IFT140: variants seen among roughly 807,000 people sequenced by gnomAD.
The protein encoded by IFT140 is intraflagellar transport 140.
A neutral mutation model predicts 164.6 loss-of-function variants in IFT140; 133 were observed. The observed-to-expected ratio is 0.81, with a 90% CI of 0.70 to 0.93. The LOEUF (loss-of-function observed/expected upper bound fraction) is 0.93. Ranked by LOEUF, IFT140 falls within the 40% of genes least tolerant of loss-of-function variation. IFT140 has a pLI of 0.00. For synonymous variants in IFT140, 860 were observed against 817.3 expected (o/e 1.05, Z -0.89); for missense variants, 2,045 against 1,972.3 (o/e 1.04, Z -0.70).
intron 2 of IFT140, among the ~76,000 whole-genome samples, chr16:1,608,885 G>T (rs2036208136): frequency 1.3e-5 from 2 of 151,798 alleles, no homozygotes; most frequent in Non-Finnish European, 2.9e-5. Context: ...GCCAGGCATG[G>T]TGGCTCATGC....
At chr16:1,581,849 G>A (rs12164992) in intron 12 of IFT140, among the ~76,000 whole-genome samples, 2,979 of 147,482 alleles carry the variant, frequency 0.02, 124 homozygotes, top group African/African-American at 0.073. Flanking sequence ...GTGAAGTGTC[G>A]GTACAATCCT....
intron 13 of IFT140, among the ~76,000 whole-genome samples, chr16:1,576,247 C>T (rs1360115759): frequency 2.1e-5 from 3 of 144,592 alleles, no homozygotes; most frequent in African/African-American, 7.9e-5. Context: ...GATCATGCCA[C>T]TGCACTCTAG....
rs780297274 is a variant in IFT140, at chr16:1,564,139, C to T, written c.1925G>A (p.Gly642Glu). ...TNKSHLFVDEGLKNYVPVNHF... is the reference protein window; with the variant it reads ...TNKSHLFVDEELKNYVPVNHF... ...GTTCACGGGAACATAATTTTTCAGT[C>T]CCTCATCCACAAAGAGGTGGCTCCT... Residue 642 changes from glycine to glutamate, a missense_variant, in exon 17 of 31, where the codon GGA becomes GAA. Transcript: ENST00000426508. The surrounding 1 kb of genome is among the most constrained non-coding windows in gnomAD (Gnocchi z 5.5). 1.3e-6 allele frequency: 2 copies of T among 1,581,694 alleles called. No homozygotes were observed. The highest frequency in any genetic ancestry group is 1.1e-5 in the South Asian group (1 of 88,930).
At chr16:1,588,095 G>T (rs1425824917) in intron 7 of IFT140, 71 bp from the exon 8 acceptor site, 2 of 1,284,086 alleles carry the variant, frequency 1.6e-6, no homozygotes, top group African/African-American at 2.9e-5. Context: ...CAGGAGCCTG[G>T]AGTCTCTGGT....
chr16:1,520,392 C>G, intron 27 of IFT140, 49 bp from the exon 28 acceptor site: 7 of 1,588,386 alleles, frequency 4.4e-6, no homozygotes, highest in African/African-American at 1.3e-5. Flanking sequence ...TGGGCCGGGA[C>G]AAGCACAAGG....
chr16:1,523,659 G>A lies in IFT140; in HGVS notation c.3312C>T (p.Thr1104=), dbSNP rs2040588187. The A allele has an allele frequency of 3.1e-6, 5 of 1,613,910 alleles. No individual in the cohort carries two copies. Among genetic ancestry groups the A allele is most frequent in the Non-Finnish European group, 4.2e-6 (5 of 1,179,994 alleles). Residue 1104 remains threonine (T), a synonymous_variant, in exon 26 of 31, where the codon ACC becomes ACT. Transcript: ENST00000426508. ...FSKALELAFA[T]QQFVALQLIA... is the part of the protein sequence containing the mutation. ...TGAGCTGTAGGGCCACAAACTGCTG[G>A]GTGGCAAAGGCCAGCTCCAGGGCCT...
intron 20 of IFT140, chr16:1,526,392 G>C (rs2040697659): frequency 3.3e-6 from 2 of 606,566 alleles, no homozygotes; most frequent in Non-Finnish European, 5.7e-6. Context: ...TCTGTTCCAG[G>C]CCCACACACC....
chr16:1,559,529 G>T (rs921029881), intron 18 of IFT140, among the ~76,000 whole-genome samples: 1 of 152,300 alleles, frequency 6.6e-6, no homozygotes, highest in South Asian at 2.1e-4. Context: ...GACAAAAGAC[G>T]TCATGGCTAG....
At chr16:1,601,131 G>A (rs943826893) in intron 4 of IFT140, among the ~76,000 whole-genome samples, 3 of 152,030 alleles carry the variant, frequency 2.0e-5, no homozygotes, top group Non-Finnish European at 4.4e-5. Context: ...GGGCATGGTG[G>A]TGCATGCGTG....
At chr16:1,603,019 AGGCAATGG>A in intron 3 of IFT140, among the ~76,000 whole-genome samples, 1 of 152,312 alleles carries the variant, frequency 6.6e-6, no homozygotes, top group Admixed American at 6.5e-5. Context: ...AAAGCTATTA[AGGCAATGG>A]GGCAATGTTC....
chr16:1,573,157 G>T (rs1460990870), intron 13 of IFT140, among the ~76,000 whole-genome samples: 2 of 152,338 alleles, frequency 1.3e-5, no homozygotes, highest in East Asian at 3.9e-4. Context: ...AGCTGAGGAA[G>T]CTCACTTCAT....
At chr16:1,569,525 T>G (rs981893751) in intron 14 of IFT140, among the ~76,000 whole-genome samples, 1 of 148,056 alleles carries the variant, frequency 6.8e-6, no homozygotes. Flanking sequence ...TTTCTTTCTT[T>G]CTTTCTCTCT....
At chr16:1,516,474 A>T (rs527970966) in intron 30 of IFT140, among the ~76,000 whole-genome samples, 1 of 152,228 alleles carries the variant, frequency 6.6e-6, no homozygotes, top group Non-Finnish European at 1.5e-5. Context: ...AAATTATAAA[A>T]AATAGTCCAC....
chr16:1,595,852 AGGCCAGCCT>A (rs2035437875), intron 4 of IFT140, among the ~76,000 whole-genome samples: 1 of 152,192 alleles, frequency 6.6e-6, no homozygotes, highest in South Asian at 2.1e-4. Flanking sequence ...CAGGAGTTCG[AGGCCAGCCT>A]GGCCAACATG....
intron 30 of IFT140, among the ~76,000 whole-genome samples, chr16:1,516,168 A>AAAAAAAAAAAAAAAAC (rs1567318535): frequency 1.8e-5 from 2 of 109,282 alleles, no homozygotes; most frequent in Admixed American, 9.3e-5. Flanking sequence ...AAAAAAAAAA[A>AAAAAAAAAAAAAAAAC]AAAAAAAAAA....
At chr16:1,525,018 G>C in intron 22 of IFT140, 102 bp from the exon 23 acceptor site, 1 of 1,476,962 alleles carries the variant, frequency 6.8e-7, no homozygotes, top group Non-Finnish European at 9.1e-7. Flanking sequence ...CATGTCACCT[G>C]ACCTGCAAAC....
rs930686489 is a variant in IFT140 at position 1,553,685 on chromosome 16, G to A, written c.2399+4250C>T. ...GGGCAGAAGCGGGGCTGGGGCTGAAGGCTGGCTGGAGGCCCCATGGCCTCC... is the reference window on the plus strand; with the variant it reads ...GGGCAGAAGCGGGGCTGGGGCTGAAAGCTGGCTGGAGGCCCCATGGCCTCC... On this transcript the variant is annotated intron_variant, in intron 19 of 30. Coordinates refer to ENST00000426508, the MANE Select transcript of IFT140 (RefSeq NM_014714.4). This position sits in a 1 kb window ranked among gnomAD's most constrained non-coding sequence, Gnocchi z 4.4. 1.9e-6 allele frequency: 2 copies of A among 1,075,540 alleles called. No individual in the cohort carries two copies. The highest frequency in any genetic ancestry group is 4.3e-5 in the Admixed American group (1 of 23,262). 66.6% of individuals were successfully genotyped at this position (1,075,540 alleles called of 1,614,324 possible). A position where few individuals can be genotyped will look rare whatever the true frequency, so the allele number is the denominator to read the frequency against.
intron 7 of IFT140, 60 bp downstream of exon 7, chr16:1,589,545 G>C: frequency 1.9e-6 from 3 of 1,561,098 alleles, no homozygotes; most frequent in Non-Finnish European, 1.8e-6. Flanking sequence ...CCGTCAACGA[G>C]GCCAGAGAGA....
intron 4 of IFT140, among the ~76,000 whole-genome samples, chr16:1,599,165 A>C (rs1596454551): frequency 1.6e-5 from 1 of 63,916 alleles, no homozygotes; most frequent in Non-Finnish European, 2.8e-5. Flanking sequence ...AAGTGAGGAG[A>C]CCCTCTGCCT....
Sources: allele counts gnomAD v4.1 joint callset (sites outside exome capture counted in the v4.1 genomes callset), GRCh38; gene constraint gnomAD v4.1.1; non-coding constraint Gnocchi (gnomAD v3.1); transcripts MANE v1.5; gene names NCBI Gene and HGNC (gene_info 2026-07-23, HGNC 2026-07-21).